ZNF317: variants seen among roughly 807,000 people sequenced by gnomAD.
ZNF317 encodes KRAB-containing zinc finger protein 317.
A neutral mutation model predicts 23.4 loss-of-function variants in ZNF317; 17 were observed. That is an observed-to-expected ratio of 0.73 (90% CI 0.50 to 1.09). ZNF317 has a LOEUF of 1.09. Among genes scored for constraint, ZNF317 ranks in the 50% least tolerant of loss-of-function variants. ZNF317 has a pLI of 0.00. For synonymous variants in ZNF317, 317 were observed against 314.9 expected (o/e 1.01, Z -0.07); for missense variants, 679 against 796.7 (o/e 0.85, Z 1.78).
rs1182552383 is a variant in ZNF317, at chr19:9,161,381, C to T, written c.1736C>T (p.Thr579Ile). The T allele has an allele frequency of 1.9e-6, 3 of 1,614,140 alleles. No individual in the cohort carries two copies. Among genetic ancestry groups the T allele is most frequent in the Non-Finnish European group, 1.7e-6 (2 of 1,179,990 alleles). The change falls in exon 7 of 7, where the codon ACT becomes ATT. Residue 579 changes from threonine to isoleucine, a missense_variant. Physicochemically the swap from Thr to Ile is moderately conservative, Grantham distance 89 (BLOSUM62 -1). Transcript: ENST00000247956. This position sits in a 1 kb window ranked among gnomAD's most constrained non-coding sequence, Gnocchi z 4.0. ...DHSSLRSHVKTHRGEKLFVSS... is the reference protein window; with the variant it reads ...DHSSLRSHVKIHRGEKLFVSS... ...TCATCCCTCAGGAGCCACGTGAAAA[C>T]TCACCGGGGAGAGAAGCTCTTTGTG...
Position 9,158,928 on chromosome 19 carries a change from A to C in ZNF317, c.468+20A>C. The C allele has an allele frequency of 1.3e-6, 2 of 1,562,634 alleles. No individual in the cohort carries two copies. Among genetic ancestry groups the C allele is most frequent in the Non-Finnish European group, 1.8e-6 (2 of 1,133,478 alleles). ...ACGATGGTAAGATTTCCGTGGGATA[A>C]TTCTGGATCTTCCTTCCACGTCTGA... On this transcript the variant is annotated intron_variant, in intron 6 of 6. Coordinates refer to ENST00000247956, the MANE Select transcript of ZNF317 (RefSeq NM_020933.5).
At chr19:9,142,345 G>A (rs573214816) in intron 1 of ZNF317, among the ~76,000 whole-genome samples, 1 of 152,020 alleles carries the variant, frequency 6.6e-6, no homozygotes, top group Non-Finnish European at 1.5e-5. Flanking sequence ...TGCTGGACTG[G>A]GTGGGGACTT....
rs1286154379 is a variant in ZNF317, at chr19:9,161,341, G to A, written c.1696G>A (p.Ala566Thr). The change falls in exon 7 of 7, where the codon GCC (alanine) becomes ACC (threonine). Residue 566 changes from alanine to threonine, a missense_variant. Physicochemically the swap from Ala to Thr is moderately conservative, Grantham distance 58. Transcript: ENST00000247956. This position sits in a 1 kb window ranked among gnomAD's most constrained non-coding sequence, Gnocchi z 4.0. ...CTACGAATGCCTTGTCTGCGGGAAA[G>A]CCTTCAGCGACCACTCATCCCTCAG... ...KPYECLVCGK[A>T]FSDHSSLRSH... 32 of 1,614,124 alleles carry A rather than the reference G, an allele frequency of 2.0e-5. No homozygotes were observed. Among genetic ancestry groups the A allele is most frequent in the Non-Finnish European group, 2.7e-5 (32 of 1,180,060 alleles).
At chr19:9,153,350 A>G (rs1367547896) in intron 1 of ZNF317, among the ~76,000 whole-genome samples, 1 of 151,988 alleles carries the variant, frequency 6.6e-6, no homozygotes, top group African/African-American at 2.4e-5. Flanking sequence ...TTTAGTAGAG[A>G]CGGGGTTTCT....
intron 1 of ZNF317, among the ~76,000 whole-genome samples, chr19:9,154,343 T>C (rs931692107): frequency 1.3e-5 from 2 of 152,244 alleles, no homozygotes; most frequent in Middle Eastern, 3.2e-3. Flanking sequence ...TAGGTAAGTT[T>C]CTATCATCCT....
At chr19:9,157,443 T>C in intron 4 of ZNF317, 49 bp downstream of exon 4, 1 of 1,609,760 alleles carries the variant, frequency 6.2e-7, no homozygotes, top group Non-Finnish European at 8.5e-7. Flanking sequence ...ATTAGATGTT[T>C]TTGTTTGAGT....
Position 9,161,397 on chromosome 19 carries a change from G to T in ZNF317, c.1752G>T (p.Lys584Asn). Residue 584 changes from lysine (K) to asparagine (N), a missense_variant, in exon 7 of 7, where the codon AAG becomes AAT. Transcript: ENST00000247956. This position sits in a 1 kb window ranked among gnomAD's most constrained non-coding sequence, Gnocchi z 4.0. ...RSHVKTHRGE[K>N]LFVSSVWKRL... The stretch of plus-strand genomic sequence containing the variant: ...ACGTGAAAACTCACCGGGGAGAGAA[G>T]CTCTTTGTGTCATCCGTGTGGAAAA... 6.2e-7 allele frequency: 1 copy of T among 1,613,804 alleles called. No individual in the cohort carries two copies. Among genetic ancestry groups the T allele is most frequent in the Non-Finnish European group, 8.5e-7 (1 of 1,179,704 alleles).
rs878923834 is a variant in ZNF317, at chr19:9,156,502, T to C, written c.26-110T>C. On this transcript the variant is annotated intron_variant, in intron 2 of 6. Coordinates refer to ENST00000247956, the MANE Select transcript of ZNF317 (RefSeq NM_020933.5). ...TGGGGGGAGGAAGAGAGAGAGAGGA[T>C]TGAGGATGTGAACACTCAGAATCAG... 5.3e-5 allele frequency: 73 copies of C among 1,370,796 alleles called. 1 individual carries two copies. In the South Asian group the frequency reaches 9.4e-4, roughly 18 times the overall value. 84.9% of individuals were successfully genotyped at this position (1,370,796 alleles called of 1,614,324 possible).
At chr19:9,157,521 A>G (rs2050797235) in intron 4 of ZNF317, 127 bp downstream of exon 4, 3 of 1,236,290 alleles carry the variant, frequency 2.4e-6, no homozygotes, top group Admixed American at 2.1e-5. Flanking sequence ...CCCAGCACCC[A>G]TGCTTAATGG....
rs2050870152 is a variant in ZNF317 at position 9,162,510 on chromosome 19, C to G, written c.*1077C>G. 6.6e-6 allele frequency: 1 copy of G among 151,896 alleles called. No individual in the cohort carries two copies. Among genetic ancestry groups the G allele is most frequent in the African/African-American group, 2.4e-5 (1 of 41,330 alleles). The allele number at this position is 151,896 out of a possible 1,614,324, so 9.4% of individuals were successfully genotyped here. ...TGAATATTCTCACGGAGAGAAGCCC[C>G]AGCGAGATTTTCCGGTGAATACGGG... On this transcript the variant is annotated 3_prime_UTR_variant, in exon 7 of 7. Coordinates refer to ENST00000247956, the MANE Select transcript of ZNF317 (RefSeq NM_020933.5).
intron 1 of ZNF317, among the ~76,000 whole-genome samples, chr19:9,141,417 C>T (rs2050628687): frequency 6.6e-6 from 1 of 152,212 alleles, no homozygotes; most frequent in Non-Finnish European, 1.5e-5. Context: ...AATACTGTCT[C>T]CGTGGATTTG....
At chr19:9,147,087 G>A (rs2050690159) in intron 1 of ZNF317, among the ~76,000 whole-genome samples, 1 of 152,172 alleles carries the variant, frequency 6.6e-6, no homozygotes, top group Non-Finnish European at 1.5e-5. Flanking sequence ...GACACCAGAA[G>A]TGCTTCCTTA....
chr19:9,140,625 T>G (rs1454414096), intron 1 of ZNF317, 33 bp downstream of exon 1: 2 of 454,864 alleles, frequency 4.4e-6, no homozygotes, highest in Non-Finnish European at 8.8e-6. Context: ...CTTCTCCCCC[T>G]CAGTTCCAGG....
At chr19:9,158,127 G>C (rs756656190) in intron 5 of ZNF317, 52 bp downstream of exon 5, 30 of 1,515,334 alleles carry the variant, frequency 2.0e-5, no homozygotes, top group Non-Finnish European at 2.6e-5. Flanking sequence ...TCTATTCAGT[G>C]ACTGGGGTGG....
At chr19:9,148,096 A>G (rs2050704030) in intron 1 of ZNF317, among the ~76,000 whole-genome samples, 1 of 152,136 alleles carries the variant, frequency 6.6e-6, no homozygotes, top group South Asian at 2.1e-4. Context: ...TATGATTGGA[A>G]GCTTCCTGAG....
At position 9,158,363 on chromosome 19, in the gene ZNF317, C is replaced by CTTTTTTTTTTTT. The variant is rs200591339; in HGVS notation, c.385+305_385+316dup. ...CTGAATTGCCTTAAATTTCTTTTTTCTTTTTTTTTTTTTTTTTTTTTTTTT... is the reference window on the plus strand; with the variant it reads ...CTGAATTGCCTTAAATTTCTTTTTTCTTTTTTTTTTTTTTTTTTTTTTTTTTTTTTTTTTTTT... On this transcript the variant is annotated intron_variant, in intron 5 of 6. Transcript: ENST00000247956. Among the ~76,000 whole-genome samples, 523 of 76,528 alleles carry CTTTTTTTTTTTT rather than the reference C, an allele frequency of 6.8e-3. 112 individuals are homozygous for CTTTTTTTTTTTT. The highest frequency in any genetic ancestry group is 0.018 in the African/African-American group (283 of 15,670). The allele number at this position is 76,528 out of a possible 152,430, so 50.2% of individuals were successfully genotyped here.
At position 9,162,185 on chromosome 19, in the gene ZNF317, T is replaced by A. The variant is rs2050865786; in HGVS notation, c.*752T>A. 6.6e-6 allele frequency: 1 copy of A among 152,014 alleles called. No homozygotes were observed. The highest frequency in any genetic ancestry group is 6.6e-5 in the Admixed American group (1 of 15,248). The allele number at this position is 152,014 out of a possible 1,614,324, so 9.4% of individuals were successfully genotyped here. A position where few individuals can be genotyped will look rare whatever the true frequency, so the allele number is the denominator to read the frequency against. On this transcript the variant is annotated 3_prime_UTR_variant, in exon 7 of 7. Transcript: ENST00000247956. ...CTAGAGACATTTTTGGTAGTTAGAA[T>A]GGGGGGAAGATACTCCTGACTTGTA...
At chr19:9,157,684 T>A (rs559743917) in intron 4 of ZNF317, 63,513 of 246,868 alleles carry the variant, frequency 0.26, 3,817 homozygotes, top group African/African-American at 0.44. Context: ...CCTATTTCTT[T>A]TTTTTTTTTT....
rs139789042 is a variant in ZNF317 at position 9,149,459 on chromosome 19, G to A, written c.-92-6466G>A. ...TGCACTCCAGCCTGGGTGACAGAGC[G>A]AGACTCCATCTCAAAAGAAAAGAAA... On this transcript the variant is annotated intron_variant, in intron 1 of 6. Coordinates refer to ENST00000247956, the MANE Select transcript of ZNF317 (RefSeq NM_020933.5). 3.5e-3 allele frequency among the ~76,000 whole-genome samples: 527 copies of A among 152,174 alleles called. 1 individual carries two copies. Among genetic ancestry groups the A allele is most frequent in the Middle Eastern group, 0.021 (6 of 292 alleles).
Sources: allele counts gnomAD v4.1 joint callset (sites outside exome capture counted in the v4.1 genomes callset), GRCh38; gene constraint gnomAD v4.1.1; non-coding constraint Gnocchi (gnomAD v3.1); transcripts MANE v1.5; gene names NCBI Gene and HGNC (gene_info 2026-07-23, HGNC 2026-07-21).